Variants in ITGB1BP1 observed in about 807,000 individuals in gnomAD.
ITGB1BP1 encodes the protein integrin beta-1-binding protein 1.
A neutral mutation model predicts 28.0 loss-of-function variants in ITGB1BP1; 20 were observed. The ratio of observed to expected loss-of-function variants is 0.71; its 90% CI spans 0.50 to 1.04. The LOEUF (loss-of-function observed/expected upper bound fraction) is 1.04, where lower values mean the gene tolerates loss of function less well. ITGB1BP1 is among the 50% of genes least tolerant of loss of function. The pLI is 0.00. For synonymous variants in ITGB1BP1, 103 were observed against 89.5 expected (o/e 1.15, Z -0.85); for missense variants, 228 against 242.5 (o/e 0.94, Z 0.40).
intron 5 of ITGB1BP1, chr2:9,407,897 TG>T (rs3841084): frequency 3.4e-5 from 17 of 504,898 alleles, no homozygotes; most frequent in Admixed American, 3.5e-5. Context: ...TGTTTGGGGG[TG>T]GGGGGGGCAG....
intron 1 of ITGB1BP1, chr2:9,422,537 A>T: frequency 1.0e-6 from 1 of 985,444 alleles, no homozygotes; most frequent in Non-Finnish European, 1.2e-6. Flanking sequence ...GGGGTAAGGG[A>T]CCCACAGCTT....
intron 4 of ITGB1BP1, among the ~76,000 whole-genome samples, chr2:9,408,958 G>A (rs942280680): frequency 6.6e-6 from 1 of 152,336 alleles, no homozygotes; most frequent in East Asian, 1.9e-4. Context: ...CAGTGTTAGC[G>A]TGTGGGATGA....
At chr2:9,409,565 G>GT (rs1678028494) in intron 4 of ITGB1BP1, among the ~76,000 whole-genome samples, 1 of 152,156 alleles carries the variant, frequency 6.6e-6, no homozygotes, top group Non-Finnish European at 1.5e-5. Context: ...AGCTTTTATG[G>GT]TTAAGACCAC....
intron 1 of ITGB1BP1, among the ~76,000 whole-genome samples, chr2:9,419,481 T>C (rs1281236053): frequency 6.6e-6 from 1 of 152,212 alleles, no homozygotes. Context: ...GAAATACCTT[T>C]AAGTAAAAGC....
Position 9,407,528 on chromosome 2 carries a change from C to G in ITGB1BP1, c.452G>C (p.Gly151Ala). 1 of 1,614,114 alleles carries G rather than the reference C, an allele frequency of 6.2e-7. No homozygotes were observed. Among genetic ancestry groups the G allele is most frequent in the Non-Finnish European group, 8.5e-7 (1 of 1,180,006 alleles). ...GGTCTTCAGAGCCAGTAAGCTTTTT[C>G]CCGCCCCCAGACCGTCATCGTAACA... ...MVCYDDGLGA[G>A]KSLLALKTTD... The change falls in exon 6 of 7, where the codon GGA (glycine) becomes GCA (alanine). Residue 151 changes from glycine to alanine, a missense_variant. By Grantham distance (60) the Gly-to-Ala change is moderately conservative. Transcript: ENST00000355346.
At chr2:9,408,778 C>T (rs557179678) in intron 4 of ITGB1BP1, among the ~76,000 whole-genome samples, 3 of 152,206 alleles carry the variant, frequency 2.0e-5, no homozygotes, top group African/African-American at 2.4e-5. Context: ...TGTGCCCAGC[C>T]GCATTTTTAC....
Position 9,404,733 on chromosome 2 carries a change from TAG to T in ITGB1BP1, c.*2099_*2100del, listed in dbSNP as rs1426917355. On this transcript the variant is annotated 3_prime_UTR_variant, in exon 7 of 7. Transcript: ENST00000355346. ...CTTGTCTTTATTATGCAAGACTGTG[TAG>T]AGTTTTTTTTTTTTTTGGCATTGTA... The T allele has an allele frequency of 4.3e-5, 6 of 140,970 alleles. No homozygotes were observed. The highest frequency in any genetic ancestry group is 6.3e-5 in the African/African-American group (2 of 31,628). 8.7% of individuals were successfully genotyped at this position (140,970 alleles called of 1,614,324 possible).
intron 4 of ITGB1BP1, among the ~76,000 whole-genome samples, chr2:9,410,673 C>T (rs1471471618): frequency 6.6e-6 from 1 of 152,218 alleles, no homozygotes; most frequent in Non-Finnish European, 1.5e-5. Flanking sequence ...CTCTTGGCCT[C>T]AAGTGATCTG....
Position 9,423,417 on chromosome 2 carries a change from G to C in ITGB1BP1, c.-80C>G, listed in dbSNP as rs1054477263. On this transcript the variant is annotated 5_prime_UTR_variant, in exon 1 of 7. Coordinates refer to ENST00000355346, the MANE Select transcript of ITGB1BP1 (RefSeq NM_004763.5). The stretch of plus-strand genomic sequence containing the variant: ...CCCCGGGTTGCGGACTTCGGGGTCC[G>C]CGTGGGAGTGCCGCGGCCTTTGGCG... 3 of 1,143,084 alleles carry C rather than the reference G, an allele frequency of 2.6e-6. No individual in the cohort carries two copies. Among genetic ancestry groups the C allele is most frequent in the Non-Finnish European group, 3.3e-6 (3 of 921,872 alleles). 70.8% of individuals were successfully genotyped at this position (1,143,084 alleles called of 1,614,324 possible). A position where few individuals can be genotyped will look rare whatever the true frequency, so the allele number is the denominator to read the frequency against.
intron 1 of ITGB1BP1, among the ~76,000 whole-genome samples, chr2:9,419,066 T>C (rs959363270): frequency 7.2e-5 from 11 of 152,228 alleles, no homozygotes; most frequent in Non-Finnish European, 1.5e-4. Flanking sequence ...GAAAAGCAAC[T>C]TTGATATTGG....
intron 4 of ITGB1BP1, among the ~76,000 whole-genome samples, chr2:9,410,109 T>C (rs1178890287): frequency 6.6e-6 from 1 of 152,184 alleles, no homozygotes; most frequent in Non-Finnish European, 1.5e-5. Flanking sequence ...CCTCCCAAAG[T>C]GCTGGAATTA....
At chr2:9,411,333 G>T (rs1032150086) in intron 4 of ITGB1BP1, among the ~76,000 whole-genome samples, 1 of 152,156 alleles carries the variant, frequency 6.6e-6, no homozygotes, top group Non-Finnish European at 1.5e-5. Flanking sequence ...GGTACGGTAA[G>T]GTTTTGCCAG....
Position 9,407,652 on chromosome 2 carries a change from T to C in ITGB1BP1, c.382-54A>G, listed in dbSNP as rs1677704860. Reference sequence around the variant, plus strand: ...ATCAGGACTCTCAAATGTTTGTCAGTCCTGATGACACACCCTCCCAGGCAG... The same window carrying C: ...ATCAGGACTCTCAAATGTTTGTCAGCCCTGATGACACACCCTCCCAGGCAG... On this transcript the variant is annotated intron_variant, in intron 5 of 6. Coordinates refer to ENST00000355346, the MANE Select transcript of ITGB1BP1 (RefSeq NM_004763.5). 7 of 1,594,296 alleles carry C rather than the reference T, an allele frequency of 4.4e-6. No homozygotes were observed. The South Asian group carries it at 7.8e-5, about 18-fold the overall frequency.
At chr2:9,418,894 C>T (rs1679472533) in intron 1 of ITGB1BP1, among the ~76,000 whole-genome samples, 162 bp from the exon 2 acceptor site, 1 of 151,790 alleles carries the variant, frequency 6.6e-6, no homozygotes, top group African/African-American at 2.4e-5. Context: ...GTAGCTGGGA[C>T]TACAGGCATG....
chr2:9,413,715 G>A (rs1454316496), intron 3 of ITGB1BP1, among the ~76,000 whole-genome samples: 1 of 152,066 alleles, frequency 6.6e-6, no homozygotes, highest in Non-Finnish European at 1.5e-5. Flanking sequence ...ACTTGTGTTG[G>A]TGGTGGTCAT....
At chr2:9,420,104 A>T (rs546828484) in intron 1 of ITGB1BP1, 1 of 949,196 alleles carries the variant, frequency 1.1e-6, no homozygotes, top group East Asian at 1.2e-4. Context: ...TACGCACCTG[A>T]TGAAGGAAAA....
At position 9,407,446 on chromosome 2, in the gene ITGB1BP1, C is replaced by T. The variant is rs756652542; in HGVS notation, c.531+3G>A. On this transcript the variant is annotated splice_donor_region_variant and intron_variant, in intron 6 of 6. Coordinates refer to ENST00000355346, the MANE Select transcript of ITGB1BP1 (RefSeq NM_004763.5). ...GCAGCTAACCAAAGTAACGAAGTCT[C>T]ACCAGGCTGTTGCACTGATAAACCC... The T allele has an allele frequency of 1.2e-6, 2 of 1,614,178 alleles. No homozygotes were observed. The highest frequency in any genetic ancestry group is 2.2e-5 in the South Asian group (2 of 91,070).
At chr2:9,412,839 A>C (rs73913106) in intron 3 of ITGB1BP1, 12,821 of 153,422 alleles carry the variant, frequency 0.084, 1,768 homozygotes, top group African/African-American at 0.29. Context: ...TTGGCCTCCC[A>C]AAGTGCTGGA....
At chr2:9,412,578 C>G in intron 3 of ITGB1BP1, 173 bp from the exon 4 acceptor site, 1 of 569,422 alleles carries the variant, frequency 1.8e-6, no homozygotes, top group East Asian at 3.0e-5. Context: ...TTTCACTAAC[C>G]TTTTCCTCAG....
Sources: gnomAD v4.1 joint callset for allele counts (sites outside exome capture counted in the v4.1 genomes callset) on GRCh38, gnomAD v4.1.1 for gene constraint, MANE v1.5 for transcripts, NCBI Gene and HGNC (gene_info 2026-07-23, HGNC 2026-07-21) for gene names.